PCDHGA5: variants seen among roughly 807,000 people sequenced by gnomAD.
PCDHGA5 encodes the protein protocadherin gamma-A5.
A neutral mutation model predicts 56.7 loss-of-function variants in PCDHGA5; 36 were observed. That is an observed-to-expected ratio of 0.64 (90% CI 0.49 to 0.84). The LOEUF is 0.84. PCDHGA5 is among the 40% of genes least tolerant of loss of function. The pLI is 0.00. For missense variants in PCDHGA5, 1,305 were observed against 1,201.5 expected, an observed-to-expected ratio of 1.09 and a Z score of -1.27; for synonymous variants, 563 against 520.2, an observed-to-expected ratio of 1.08 and a Z score of -1.12.
Position 141,364,829 on chromosome 5 carries a change from C to T in PCDHGA5, c.499C>T (p.Leu167Phe). The T allele has an allele frequency of 1.2e-6, 2 of 1,614,008 alleles. No individual in the cohort carries two copies. Among genetic ancestry groups the T allele is most frequent in the Non-Finnish European group, 1.7e-6 (2 of 1,179,888 alleles). Residue 167 changes from leucine (L) to phenylalanine (F), a missense_variant, in exon 1 of 4, where the codon CTC (leucine) becomes TTC (phenylalanine). Coordinates refer to ENST00000518069, the MANE Select transcript of PCDHGA5 (RefSeq NM_018918.3). ...GGATGCGGATGTGGGTGTGAACTCT[C>T]TCCGGAGTTACCAGCTCAGCTCCAA... Reference protein sequence around the residue: ...ARDADVGVNSLRSYQLSSNLH... With the variant: ...ARDADVGVNSFRSYQLSSNLH...
Position 141,491,103 on chromosome 5 carries a change from G to T in PCDHGA5, c.2422-3704G>T, listed in dbSNP as rs1190609518. The T allele has an allele frequency of 6.2e-7, 1 of 1,614,162 alleles. No individual in the cohort carries two copies. ...CCACAGCCCCAGGACTGTTCCTCGT[G>T]TCTACACACACTGGTGAGGTGCGCA... On this transcript the variant is annotated intron_variant, in intron 1 of 3. Coordinates refer to ENST00000518069, the MANE Select transcript of PCDHGA5 (RefSeq NM_018918.3). The surrounding 1 kb of genome is among the most constrained non-coding windows in gnomAD (Gnocchi z 6.9).
chr5:141,418,848 G>T (rs770294020), intron 1 of PCDHGA5: 1 of 1,613,954 alleles, frequency 6.2e-7, no homozygotes, highest in Non-Finnish European at 8.5e-7. Flanking sequence ...CTCTCAACAC[G>T]GTGTAAAGTA....
intron 1 of PCDHGA5, among the ~76,000 whole-genome samples, chr5:141,434,748 C>T (rs932613622): frequency 2.0e-5 from 3 of 151,818 alleles, no homozygotes; most frequent in African/African-American, 7.3e-5. Flanking sequence ...CTATGAGACC[C>T]CTGATTCCCC....
At position 141,364,687 on chromosome 5, in the gene PCDHGA5, A is replaced by C; in HGVS notation, c.357A>C (p.Val119=). The part of the protein sequence containing the change: ...LVENKMKIYG[V]EVEIIDINDN... ...AGAACAAAATGAAAATTTATGGAGT[A>C]GAAGTAGAAATAATCGATATTAATG... The change falls in exon 1 of 4, where the codon GTA becomes GTC. Residue 119 remains valine, a synonymous_variant. Coordinates refer to ENST00000518069, the MANE Select transcript of PCDHGA5 (RefSeq NM_018918.3). 6.2e-7 allele frequency: 1 copy of C among 1,614,004 alleles called. No individual in the cohort carries two copies. The highest frequency in any genetic ancestry group is 8.5e-7 in the Non-Finnish European group (1 of 1,179,894).
chr5:141,415,529 G>C, intron 1 of PCDHGA5: 1 of 1,614,184 alleles, frequency 6.2e-7, no homozygotes, highest in South Asian at 1.1e-5. Context: ...ACGCTCATCA[G>C]CCAGGAGAGC....
In PCDHGA5 at chr5:141,491,049, G is replaced by A. The variant is rs369146505; in HGVS notation, c.2422-3758G>A. Reference sequence around the variant, plus strand: ...TGGATGCTGATGCAGGCCACAATGCGTGGCTCTCCTACTCACTGTTGCCAC... The same window carrying A: ...TGGATGCTGATGCAGGCCACAATGCATGGCTCTCCTACTCACTGTTGCCAC... On this transcript the variant is annotated intron_variant, in intron 1 of 3. Coordinates refer to ENST00000518069, the MANE Select transcript of PCDHGA5 (RefSeq NM_018918.3). This position sits in a 1 kb window ranked among gnomAD's most constrained non-coding sequence, Gnocchi z 6.9. The A allele has an allele frequency of 3.3e-5, 53 of 1,614,116 alleles. No individual in the cohort carries two copies. The African/African-American group carries it at 5.5e-4, about 17-fold the overall frequency.
At chr5:141,385,981 A>G (rs2090416620) in intron 1 of PCDHGA5, 1 of 152,244 alleles carries the variant, frequency 6.6e-6, no homozygotes, top group Non-Finnish European at 1.5e-5. Flanking sequence ...AACCAATAAA[A>G]TATGTCAAAT....
intron 1 of PCDHGA5, among the ~76,000 whole-genome samples, chr5:141,438,149 A>G (rs1441404688): frequency 6.6e-6 from 1 of 152,220 alleles, no homozygotes; most frequent in African/African-American, 2.4e-5. Context: ...TAGCCAGCCT[A>G]TGGCAAAGCT....
Position 141,366,754 on chromosome 5 carries a change from T to G in PCDHGA5, c.2421+3T>G, listed in dbSNP as rs752520997. On this transcript the variant is annotated splice_donor_region_variant and intron_variant, in intron 1 of 3. Coordinates refer to ENST00000518069, the MANE Select transcript of PCDHGA5 (RefSeq NM_018918.3). ...ACAAAGAAGAACGGCGAGTTCAGGT[T>G]AGTTTTCTCTTTCGGTAAGGATGAC... 1 of 1,607,154 alleles carries G rather than the reference T, an allele frequency of 6.2e-7. No individual in the cohort carries two copies.
chr5:141,462,375 T>G (rs2099038282), intron 1 of PCDHGA5, among the ~76,000 whole-genome samples: 1 of 152,252 alleles, frequency 6.6e-6, no homozygotes, highest in Non-Finnish European at 1.5e-5. Context: ...TTCTATTCTT[T>G]TAAATTCGTT....
At chr5:141,430,285 T>C (rs1456678142) in intron 1 of PCDHGA5, among the ~76,000 whole-genome samples, 18 of 151,710 alleles carry the variant, frequency 1.2e-4, no homozygotes, top group Admixed American at 1.2e-3. Flanking sequence ...GGAACAGTAA[T>C]CTCAAAGCAG....
intron 1 of PCDHGA5, among the ~76,000 whole-genome samples, chr5:141,386,804 A>T (rs976518864): frequency 6.6e-6 from 1 of 152,238 alleles, no homozygotes; most frequent in Non-Finnish European, 1.5e-5. Context: ...AATTTATTAG[A>T]TGCATAAAAT....
At chr5:141,383,034 G>A in intron 1 of PCDHGA5, 2 of 1,613,860 alleles carry the variant, frequency 1.2e-6, no homozygotes. Context: ...GGTCCTTTGT[G>A]GGAGACATCG....
chr5:141,452,525 G>A (rs1227647193), intron 1 of PCDHGA5, among the ~76,000 whole-genome samples: 3 of 152,126 alleles, frequency 2.0e-5, no homozygotes, highest in Admixed American at 6.5e-5. Flanking sequence ...CCTCAAAATC[G>A]TGAGTTCATA....
chr5:141,500,618 C>T (rs554274946), intron 2 of PCDHGA5, among the ~76,000 whole-genome samples: 1 of 152,262 alleles, frequency 6.6e-6, no homozygotes, highest in South Asian at 2.1e-4. Flanking sequence ...CCCAGTCATA[C>T]GGTACATTTC....
At chr5:141,473,858 C>G (rs569473917) in intron 1 of PCDHGA5, among the ~76,000 whole-genome samples, 1 of 152,286 alleles carries the variant, frequency 6.6e-6, no homozygotes, top group Admixed American at 6.5e-5. Flanking sequence ...ATGAACCTCG[C>G]TATTGTGGAG....
Position 141,409,996 on chromosome 5 carries a change from G to C in PCDHGA5, c.2421+43245G>C, listed in dbSNP as rs1561724976. 8.7e-6 allele frequency: 14 copies of C among 1,613,014 alleles called. No homozygotes were observed. The Admixed American group carries it at 1.8e-4, about 21-fold the overall frequency. On this transcript the variant is annotated intron_variant, in intron 1 of 3. Transcript: ENST00000518069. ...AGGTGGTAGCGGTGGACGCCGACTC[G>C]GGACACAACGCCTGGCTGTCCTACC...
chr5:141,405,540 C>A (rs2094682922), intron 1 of PCDHGA5: 1 of 641,202 alleles, frequency 1.6e-6, no homozygotes, highest in African/African-American at 1.8e-5. Context: ...CTGCCTCAGC[C>A]TCCCAAGTAG....
Position 141,477,060 on chromosome 5 carries a change from C to G in PCDHGA5, c.2422-17747C>G. On this transcript the variant is annotated intron_variant, in intron 1 of 3. Coordinates refer to ENST00000518069, the MANE Select transcript of PCDHGA5 (RefSeq NM_018918.3). The surrounding 1 kb of genome is among the most constrained non-coding windows in gnomAD (Gnocchi z 4.9). ...AAGGGTCGGCTGGACTTCGAGGACA[C>G]CAAACTCCATGAGATTTACATCCAG... The G allele has an allele frequency of 1.2e-6, 2 of 1,614,256 alleles. No individual in the cohort carries two copies. The highest frequency in any genetic ancestry group is 2.2e-5 in the South Asian group (2 of 91,086).
Sources: gnomAD v4.1 joint callset for allele counts (sites outside exome capture counted in the v4.1 genomes callset) on GRCh38, gnomAD v4.1.1 for gene constraint, Gnocchi (gnomAD v3.1) non-coding constraint, MANE v1.5 for transcripts, NCBI Gene and HGNC (gene_info 2026-07-23, HGNC 2026-07-21) for gene names.